Variants in CILP observed in about 807,000 individuals in gnomAD.
The protein encoded by CILP is cartilage intermediate layer protein 1.
A neutral mutation model predicts 82.5 loss-of-function variants in CILP; 75 were observed. The ratio of observed to expected loss-of-function variants is 0.91; its 90% CI spans 0.75 to 1.10. The LOEUF is 1.10. Ranked by LOEUF, CILP falls within the 50% of genes least tolerant of loss-of-function variation. The pLI, the probability that CILP is intolerant of heterozygous loss-of-function variation, is 0.00. For missense variants in CILP, 1,479 were observed against 1,530.8 expected (o/e 0.97, Z 0.56); for synonymous variants, 530 against 580.3 (o/e 0.91, Z 1.25).
chr15:65,207,777 A>G lies in CILP; in HGVS notation c.62-13T>C. On this transcript the variant is annotated splice_polypyrimidine_tract_variant and intron_variant, in intron 2 of 8. Transcript: ENST00000261883. ...ATCGTCTGTCTCCCTGAGGGCCAGA[A>G]GGAGAAGCTAAGTGAGAGGCCAGGA... 6.2e-7 allele frequency: 1 copy of G among 1,610,984 alleles called. No individual in the cohort carries two copies. Among genetic ancestry groups the G allele is most frequent in the Non-Finnish European group, 8.5e-7 (1 of 1,177,168 alleles).
intron 3 of CILP, 74 bp from the exon 4 acceptor site, chr15:65,207,125 C>T: frequency 6.6e-7 from 1 of 1,515,362 alleles, no homozygotes; most frequent in Admixed American, 1.9e-5. Context: ...TCTCACCCAC[C>T]CCCAGCTGGC....
At chr15:65,209,919 A>G (rs1192153387) in intron 1 of CILP, 58 bp from the exon 2 acceptor site, 3 of 613,380 alleles carry the variant, frequency 4.9e-6, no homozygotes, top group Non-Finnish European at 5.9e-6. Context: ...TTATGGCTCA[A>G]GCAGAAATAT....
chr15:65,196,369 A>G lies in CILP; in HGVS notation c.*362T>C, dbSNP rs1252076431. 2 of 190,498 alleles carry G rather than the reference A, an allele frequency of 1.0e-5. No individual in the cohort carries two copies. Among genetic ancestry groups the G allele is most frequent in the African/African-American group, 2.3e-5 (1 of 42,952 alleles). The allele number at this position is 190,498 out of a possible 1,614,324, so 11.8% of individuals were successfully genotyped here. ...CCAAGAAATATGCTTTATATTGGTT[A>G]TTTGATCTTCAGCATCAGATTATCA... On this transcript the variant is annotated 3_prime_UTR_variant, in exon 9 of 9. Transcript: ENST00000261883.
At chr15:65,205,497 T>A in intron 4 of CILP, 31 bp from the exon 5 acceptor site, 1 of 1,566,158 alleles carries the variant, frequency 6.4e-7, no homozygotes, top group Non-Finnish European at 8.7e-7. Flanking sequence ...ACGGTCTGAT[T>A]TCCCTCTTGA....
In CILP at chr15:65,204,524, G is replaced by T. The variant is rs750831011; in HGVS notation, c.663C>A (p.Cys221Ter). ...CAGCCCCATGAAGCATGAAGTCCTG[G>T]CACATGCAGGCATCACAGTCAGCAT... ...QVNADCDACM[C>*]QDFMLHGAVS... The change falls in exon 6 of 9, where the codon TGC becomes TGA. Residue 221 changes from cysteine to a stop codon, truncating the protein, a stop_gained. Coordinates refer to ENST00000261883, the MANE Select transcript of CILP (RefSeq NM_003613.4). LOFTEE classifies it high-confidence loss of function. 1 of 1,613,466 alleles carries T rather than the reference G, an allele frequency of 6.2e-7. No individual in the cohort carries two copies. The highest frequency in any genetic ancestry group is 1.1e-5 in the South Asian group (1 of 90,964).
Position 65,196,960 on chromosome 15 carries a change from C to T in CILP, c.3326G>A (p.Ser1109Asn), listed in dbSNP as rs1014030328. 2 of 1,613,818 alleles carry T rather than the reference C, an allele frequency of 1.2e-6. No homozygotes were observed. Among genetic ancestry groups the T allele is most frequent in the African/African-American group, 2.7e-5 (2 of 74,914 alleles). The change falls in exon 9 of 9, where the codon AGC (serine) becomes AAC (asparagine). Residue 1109 changes from serine (S) to asparagine (N), a missense_variant. By Grantham distance (46) the Ser-to-Asn change is conservative. Coordinates refer to ENST00000261883, the MANE Select transcript of CILP (RefSeq NM_003613.4). ...GAAGGTGAGGGCTACTCCCACATTGCTCTTCATGATTCTGGAGGAGCCATC... is the reference window on the plus strand; with the variant it reads ...GAAGGTGAGGGCTACTCCCACATTGTTCTTCATGATTCTGGAGGAGCCATC... ...TSDGSSRIMK[S>N]NVGVALTFNC...
rs374692817 is a variant in CILP at position 65,208,306 on chromosome 15, T to C, written c.62-542A>G. ...GATTGACAGTGTGGGCTCCTGAGACTCTGCCAGTTTCTAACTGTGTGACTT... is the reference window on the plus strand; with the variant it reads ...GATTGACAGTGTGGGCTCCTGAGACCCTGCCAGTTTCTAACTGTGTGACTT... On this transcript the variant is annotated intron_variant, in intron 2 of 8. Coordinates refer to ENST00000261883, the MANE Select transcript of CILP (RefSeq NM_003613.4). 4.6e-5 allele frequency among the ~76,000 whole-genome samples: 7 copies of C among 152,322 alleles called. 1 individual carries two copies. Among genetic ancestry groups the C allele is most frequent in the African/African-American group, 1.7e-4 (7 of 41,568 alleles).
Position 65,204,249 on chromosome 15 carries a change from C to A in CILP, c.919+19G>T. ...AATCTGGACCTTCTCACCAGCCCTA[C>A]CCCAAAGAATTTAGTTACCTGCCCT... On this transcript the variant is annotated intron_variant, in intron 6 of 8. Coordinates refer to ENST00000261883, the MANE Select transcript of CILP (RefSeq NM_003613.4). 6.2e-7 allele frequency: 1 copy of A among 1,607,936 alleles called. No individual in the cohort carries two copies. Among genetic ancestry groups the A allele is most frequent in the Non-Finnish European group, 8.5e-7 (1 of 1,177,212 alleles).
chr15:65,195,303 C>G lies in CILP; in HGVS notation c.*1428G>C, dbSNP rs1459492516. 6.6e-6 allele frequency: 1 copy of G among 152,150 alleles called. No individual in the cohort carries two copies. Among genetic ancestry groups the G allele is most frequent in the Non-Finnish European group, 1.5e-5 (1 of 68,078 alleles). 9.4% of individuals were successfully genotyped at this position (152,150 alleles called of 1,614,324 possible). ...TTTTTGTCCTGATTGTAAACAGTGTCCTCTCTTCTCCCAAACCCTTTGGAC... is the reference window on the plus strand; with the variant it reads ...TTTTTGTCCTGATTGTAAACAGTGTGCTCTCTTCTCCCAAACCCTTTGGAC... On this transcript the variant is annotated 3_prime_UTR_variant, in exon 9 of 9. Transcript: ENST00000261883.
In CILP at chr15:65,198,203, T is replaced by C. The variant is rs758380040; in HGVS notation, c.2083A>G (p.Thr695Ala). The change falls in exon 9 of 9, where the codon ACA becomes GCA. Residue 695 changes from threonine to alanine, a missense_variant. Thr to Ala is a moderately conservative substitution (Grantham distance 58). Transcript: ENST00000261883. ...TQVKMPEHIS[T>A]VKLWSLNPDT... ...GGATTGAGTGACCAGAGTTTCACTG[T>C]GGATATGTGCTCTGGCATCTTGACC... 6.2e-7 allele frequency: 1 copy of C among 1,614,260 alleles called. No homozygotes were observed. Among genetic ancestry groups the C allele is most frequent in the East Asian group, 2.2e-5 (1 of 44,892 alleles).
chr15:65,207,601 T>C, intron 3 of CILP, 71 bp downstream of exon 3: 1 of 1,379,080 alleles, frequency 7.3e-7, no homozygotes, highest in Non-Finnish European at 1.0e-6. Context: ...ATGCCCTGGC[T>C]TCAGAGATCC....
intron 8 of CILP, 141 bp from the exon 9 acceptor site, chr15:65,199,240 A>T: frequency 1.6e-6 from 1 of 643,718 alleles, no homozygotes; most frequent in Non-Finnish European, 2.6e-6. Context: ...GAACTCTCTG[A>T]GAGGATAGAA....
At position 65,202,008 on chromosome 15, in the gene CILP, C is replaced by G; in HGVS notation, c.1050G>C (p.Leu350=). 4 of 1,593,928 alleles carry G rather than the reference C, an allele frequency of 2.5e-6. No homozygotes were observed. The highest frequency in any genetic ancestry group is 3.4e-6 in the Non-Finnish European group (4 of 1,171,512). The change falls in exon 8 of 9, where the codon CTG becomes CTC. Residue 350 remains leucine, a synonymous_variant. Transcript: ENST00000261883. ...KYFWYHNDTL[L]DPSLYKHESK... ...TCTCATGCTTGTAGAGGGAAGGATCCAGCAATGTGTCATTATGATACCTGC... is the reference window on the plus strand; with the variant it reads ...TCTCATGCTTGTAGAGGGAAGGATCGAGCAATGTGTCATTATGATACCTGC...
intron 3 of CILP, 117 bp from the exon 4 acceptor site, chr15:65,207,168 C>T: frequency 2.6e-6 from 3 of 1,139,582 alleles, no homozygotes; most frequent in Non-Finnish European, 3.7e-6. Flanking sequence ...TCTCCAGTAT[C>T]TCTCCAATCC....
chr15:65,204,440 C>A lies in CILP; in HGVS notation c.747G>T (p.Thr249=). The A allele has an allele frequency of 9.9e-6, 16 of 1,614,092 alleles. No homozygotes were observed. Among genetic ancestry groups the A allele is most frequent in the Non-Finnish European group, 1.3e-5 (15 of 1,180,028 alleles). Residue 249 remains threonine, a synonymous_variant, in exon 6 of 9, where the codon ACG becomes ACT. Coordinates refer to ENST00000261883, the MANE Select transcript of CILP (RefSeq NM_003613.4). ...TGTCTGTCTGGGTCAGCAGCTTCGG[C>A]GTCTTGGTCAGGAGGTAGATAGCAG... ...SGAAIYLLTK[T]PKLLTQTDSD...
Position 65,196,849 on chromosome 15 carries a change from A to G in CILP, c.3437T>C (p.Val1146Ala). ...TPAQSPAAGT[V>A]QGRVPSRRQQ... ...CCTCCTCGAGGGCACTCTTCCTTGG[A>G]CAGTGCCTGCAGCAGGGGACTGGGC... is the stretch of plus-strand genomic sequence containing the variant. Residue 1146 changes from valine (V) to alanine (A), a missense_variant, in exon 9 of 9, where the codon GTC (valine) becomes GCC (alanine). Physicochemically the swap from Val to Ala is moderately conservative, Grantham distance 64. Coordinates refer to ENST00000261883, the MANE Select transcript of CILP (RefSeq NM_003613.4). 6.2e-7 allele frequency: 1 copy of G among 1,613,766 alleles called. No individual in the cohort carries two copies. Among genetic ancestry groups the G allele is most frequent in the Non-Finnish European group, 8.5e-7 (1 of 1,179,888 alleles).
rs374145789 is a variant in CILP at position 65,197,838 on chromosome 15, G to A, written c.2448C>T (p.Ser816=). ...ACVPAFCDDQ[S]PDAYSAYVLA... is the part of the protein sequence containing the mutation. ...AGACATAGGCAGAGTAGGCATCAGG[G>A]GACTGGTCATCACAGAAGGCAGGCA... Residue 816 remains serine, a synonymous_variant, in exon 9 of 9, where the codon TCC becomes TCT. Transcript: ENST00000261883. The A allele has an allele frequency of 2.5e-5, 40 of 1,614,082 alleles. No homozygotes were observed. The highest frequency in any genetic ancestry group is 3.1e-5 in the Non-Finnish European group (37 of 1,180,024).
chr15:65,204,461 A>T lies in CILP; in HGVS notation c.726T>A (p.Ala242=), dbSNP rs768432398. ...TCGGCGTCTTGGTCAGGAGGTAGAT[A>T]GCAGCCCCTGAGGCTGGGGCACCTC... The part of the protein sequence containing the change: ...LPGGAPASGA[A]IYLLTKTPKL... The change falls in exon 6 of 9, where the codon GCT becomes GCA. Residue 242 remains alanine (A), a synonymous_variant. Transcript: ENST00000261883. 1 of 1,614,086 alleles carries T rather than the reference A, an allele frequency of 6.2e-7. No homozygotes were observed. The highest frequency in any genetic ancestry group is 8.5e-7 in the Non-Finnish European group (1 of 1,180,008).
chr15:65,197,874 G>T lies in CILP; in HGVS notation c.2412C>A (p.Asn804Lys). ...GRFDSVITGPNGACVPAFCDD... is the reference protein window; with the variant it reads ...GRFDSVITGPKGACVPAFCDD... ...CACAGAAGGCAGGCACACAGGCCCC[G>T]TTGGGGCCTGTGATGACACTGTCAA... is the stretch of plus-strand genomic sequence containing the variant. The change falls in exon 9 of 9, where the codon AAC becomes AAA. Residue 804 changes from asparagine to lysine, a missense_variant. Asn to Lys is a moderately conservative substitution (Grantham distance 94, BLOSUM62 0). Transcript: ENST00000261883. 1 of 1,613,456 alleles carries T rather than the reference G, an allele frequency of 6.2e-7. No individual in the cohort carries two copies. Among genetic ancestry groups the T allele is most frequent in the Non-Finnish European group, 8.5e-7 (1 of 1,179,792 alleles).
Sources: allele counts gnomAD v4.1 joint callset (sites outside exome capture counted in the v4.1 genomes callset), GRCh38; gene constraint gnomAD v4.1.1; transcripts MANE v1.5; gene names NCBI Gene and HGNC (gene_info 2026-07-23, HGNC 2026-07-21).